Variants in SLC35D4 observed in about 807,000 individuals in gnomAD.
The protein encoded by SLC35D4 is solute carrier family 35 member D4, also known as UDP-N-acetylglucosamine transporter SLC35D4.
At chr18:23,392,509 C>CT in the SLC35D4 span, among the ~76,000 whole-genome samples, 2 of 152,194 alleles carry the variant, frequency 1.3e-5, no homozygotes, top group African/African-American at 4.8e-5. Flanking sequence ...CCAGTACAAG[C>CT]TGGGAGGTCC....
chr18:23,407,580 C>T, the SLC35D4 span, among the ~76,000 whole-genome samples: 1 of 151,260 alleles, frequency 6.6e-6, no homozygotes, highest in Non-Finnish European at 1.5e-5. Flanking sequence ...CTTTATCTCA[C>T]ACACACACAC....
the SLC35D4 span, among the ~76,000 whole-genome samples, chr18:23,239,113 G>A: frequency 6.6e-6 from 1 of 152,196 alleles, no homozygotes; most frequent in Non-Finnish European, 1.5e-5. Flanking sequence ...TTCATTGTGA[G>A]CCTTGAGGTT....
chr18:23,364,935 G>GTTT, the SLC35D4 span, among the ~76,000 whole-genome samples: 1 of 4,184 alleles, frequency 2.4e-4, no homozygotes, highest in African/African-American at 1.3e-3. Flanking sequence ...AAAAAAAAAG[G>GTTT]ACTCCTTTCT....
the SLC35D4 span, among the ~76,000 whole-genome samples, chr18:23,317,874 G>A: frequency 6.6e-6 from 1 of 151,918 alleles, no homozygotes; most frequent in Admixed American, 6.6e-5. Context: ...TGAGTAGCTG[G>A]GATTACCAGC....
the SLC35D4 span, among the ~76,000 whole-genome samples, chr18:23,314,526 C>T: frequency 6.6e-6 from 1 of 152,210 alleles, no homozygotes; most frequent in Non-Finnish European, 1.5e-5. Flanking sequence ...GAACAAGAGT[C>T]TTTCTCATAC....
the SLC35D4 span, among the ~76,000 whole-genome samples, chr18:23,393,242 A>G: frequency 6.6e-6 from 1 of 151,804 alleles, no homozygotes; most frequent in Admixed American, 6.6e-5. Flanking sequence ...TATTGTGGTA[A>G]AATATACATC....
the SLC35D4 span, among the ~76,000 whole-genome samples, chr18:23,323,781 A>G: frequency 6.6e-6 from 1 of 152,140 alleles, no homozygotes; most frequent in Non-Finnish European, 1.5e-5. Flanking sequence ...TCGTGCCCTT[A>G]TTAAAAGAGA....
chr18:23,428,512 A>G, the SLC35D4 span, among the ~76,000 whole-genome samples: 1 of 152,072 alleles, frequency 6.6e-6, no homozygotes. Flanking sequence ...ACTTTAACCC[A>G]AATTTATTAA....
chr18:23,310,170 C>G, the SLC35D4 span: 1 of 974,582 alleles, frequency 1.0e-6, no homozygotes, highest in Non-Finnish European at 1.2e-6. Flanking sequence ...CAGATAAAAA[C>G]TTATCTGTCA....
At chr18:23,243,583 A>G in the SLC35D4 span, among the ~76,000 whole-genome samples, 2 of 149,974 alleles carry the variant, frequency 1.3e-5, no homozygotes, top group South Asian at 4.2e-4. Flanking sequence ...TTTTTCTCAT[A>G]AAACTAACAC....
the SLC35D4 span, among the ~76,000 whole-genome samples, chr18:23,332,771 C>G: frequency 6.0e-5 from 9 of 151,014 alleles, no homozygotes; most frequent in African/African-American, 2.2e-4. Flanking sequence ...AAAAAGCTAA[C>G]AGTAACTGCT....
chr18:23,373,766 G>C, the SLC35D4 span: 1 of 1,613,120 alleles, frequency 6.2e-7, no homozygotes, highest in East Asian at 2.2e-5. Flanking sequence ...GGAGGGCACT[G>C]TGGAGAGGGA....
the SLC35D4 span, among the ~76,000 whole-genome samples, chr18:23,347,700 T>C: frequency 6.6e-6 from 1 of 152,214 alleles, no homozygotes; most frequent in Non-Finnish European, 1.5e-5. Context: ...GCTTGGATTA[T>C]AGGCATGAGC....
the SLC35D4 span, among the ~76,000 whole-genome samples, chr18:23,308,790 T>C: frequency 6.6e-6 from 1 of 152,074 alleles, no homozygotes; most frequent in Non-Finnish European, 1.5e-5. Flanking sequence ...TTGGAGCTTA[T>C]CTGAAAGTTA....
At chr18:23,399,528 G>A in the SLC35D4 span, 1 of 1,581,802 alleles carries the variant, frequency 6.3e-7, no homozygotes, top group African/African-American at 1.3e-5. Context: ...AGGGGAAAGG[G>A]AGAGAGGAGT....
chr18:23,309,224 C>A, the SLC35D4 span, among the ~76,000 whole-genome samples: 3 of 101,478 alleles, frequency 3.0e-5, no homozygotes, highest in Admixed American at 3.3e-4. Flanking sequence ...ATGCAAAGGG[C>A]TGATTGTGTG....
chr18:23,263,819 C>G, the SLC35D4 span, among the ~76,000 whole-genome samples: 1 of 152,226 alleles, frequency 6.6e-6, no homozygotes, highest in African/African-American at 2.4e-5. Context: ...CTGTCTGAGA[C>G]TATTCATGTC....
chr18:23,286,209 CTG>C, the SLC35D4 span, among the ~76,000 whole-genome samples: 235 of 152,330 alleles, frequency 1.5e-3, no homozygotes, highest in African/African-American at 5.4e-3. Flanking sequence ...CTTGCCTCCA[CTG>C]TGAGACAAAC....
At chr18:23,433,965 G>A in the SLC35D4 span, among the ~76,000 whole-genome samples, 12 of 152,198 alleles carry the variant, frequency 7.9e-5, no homozygotes, top group Non-Finnish European at 1.3e-4. Flanking sequence ...AATAGAATAT[G>A]CTCATAGTAG....
Sources: gnomAD v4.1 joint callset for allele counts (sites outside exome capture counted in the v4.1 genomes callset) on GRCh38, gnomAD v4.1.1 for gene constraint, MANE v1.5 for transcripts, NCBI Gene and HGNC (gene_info 2026-07-23, HGNC 2026-07-21) for gene names.